The following LIMCH1 variants were observed in gnomAD, a reference collection of about 807,000 sequenced individuals.
The protein encoded by LIMCH1 is LIM and calponin homology domains-containing protein 1.
In LIMCH1, 113 loss-of-function variants were observed where a neutral mutation model predicts 176.5. That is an observed-to-expected ratio of 0.64 (90% confidence interval 0.55 to 0.75). The LOEUF is 0.75. Among genes scored for constraint, LIMCH1 ranks in the 30% least tolerant of loss-of-function variants. The pLI, the probability that LIMCH1 is intolerant of heterozygous loss-of-function variation, is 0.00. For missense variants in LIMCH1, 1,674 were observed against 1,814.9 expected, an observed-to-expected ratio of 0.92 and a Z score of 1.41; for synonymous variants, 619 against 645.9, an observed-to-expected ratio of 0.96 and a Z score of 0.63.
At chr4:41,618,234 T>C (rs1360515824) in intron 5 of LIMCH1, among the ~76,000 whole-genome samples, 3 of 152,206 alleles carry the variant, frequency 2.0e-5, no homozygotes, top group Non-Finnish European at 2.9e-5. Context: ...CCGCTACTTA[T>C]ATGGCAGTGT....
At chr4:41,450,619 AT>A (rs1305936078) in intron 1 of LIMCH1, among the ~76,000 whole-genome samples, 10 of 151,736 alleles carry the variant, frequency 6.6e-5, no homozygotes, top group African/African-American at 2.4e-4. Context: ...ATGTGGTGAA[AT>A]CCCGTCTCTA....
rs201283163 is a variant in LIMCH1, at chr4:41,650,524, C to T, written c.2952C>T (p.His984=). Residue 984 remains histidine, a synonymous_variant, in exon 18 of 32, where the codon CAC becomes CAT. Transcript: ENST00000503057. ...TGTTTGAAGGTGTGGCCAGAGTGCA[C>T]GGGTCTCCACTGGAGCTGAAACAAG... The part of the protein sequence containing the change: ...SQMFEGVARV[H]GSPLELKQDN... 20 of 1,613,958 alleles carry T rather than the reference C, an allele frequency of 1.2e-5. No individual in the cohort carries two copies. Among genetic ancestry groups the T allele is most frequent in the African/African-American group, 2.7e-5 (2 of 74,988 alleles).
intron 1 of LIMCH1, among the ~76,000 whole-genome samples, chr4:41,478,612 T>C (rs1239603445): frequency 6.6e-6 from 1 of 152,256 alleles, no homozygotes; most frequent in African/African-American, 2.4e-5. Context: ...TATCAAATAG[T>C]GAAATCGATC....
chr4:41,680,000 T>C lies in LIMCH1; in HGVS notation c.3520-6T>C. 1 of 1,601,258 alleles carries C rather than the reference T, an allele frequency of 6.2e-7. No homozygotes were observed. The highest frequency in any genetic ancestry group is 1.1e-5 in the South Asian group (1 of 88,920). On this transcript the variant is annotated splice_region_variant and splice_polypyrimidine_tract_variant and intron_variant, in intron 23 of 31. Transcript: ENST00000503057. ...TTGAGAACAATCTATGGAAATTCCATAACAGGAGAGATACCAGAAGGAGCA... is the reference window on the plus strand; with the variant it reads ...TTGAGAACAATCTATGGAAATTCCACAACAGGAGAGATACCAGAAGGAGCA...
chr4:41,622,289 G>C lies in LIMCH1; in HGVS notation c.725+1599G>C, dbSNP rs191959215. Among the ~76,000 whole-genome samples the C allele has an allele frequency of 1.2e-3, 187 of 152,084 alleles. 2 individuals carry two copies. Among genetic ancestry groups the C allele is most frequent in the African/African-American group, 4.0e-3 (164 of 41,486 alleles). ...GAAGACAAAAATAATAATAGTGAGG[G>C]GAATACTATCTCCTCACTAGGTACC... On this transcript the variant is annotated intron_variant, in intron 7 of 31. Transcript: ENST00000503057.
intron 17 of LIMCH1, among the ~76,000 whole-genome samples, chr4:41,649,986 C>T (rs759316001): frequency 3.3e-5 from 5 of 152,258 alleles, no homozygotes; most frequent in South Asian, 4.1e-4. Context: ...TGGTAAGTTC[C>T]GCCTCATTTA....
rs547962431 is a variant in LIMCH1 at position 41,459,406 on chromosome 4, T to A, written c.97-35130T>A. On this transcript the variant is annotated intron_variant, in intron 1 of 26. Transcript: ENST00000313860. ...GCCTCGACCTCCTGGGCTTAAGTAA[T>A]TCTCCCACCTCAGCCTCCCAAGTAG... Among the ~76,000 whole-genome samples the A allele has an allele frequency of 2.0e-5, 3 of 152,180 alleles. No homozygotes were observed. In the East Asian group the frequency reaches 5.8e-4, roughly 29 times the overall value.
chr4:41,535,722 G>A (rs7694894), upstream of LIMCH1, among the ~76,000 whole-genome samples: 1,706 of 152,220 alleles, frequency 0.011, 6 homozygotes, highest in South Asian at 0.018. Context: ...TCTTATTCAC[G>A]TGTGTTTTGA....
Position 41,408,787 on chromosome 4 carries a change from T to G in LIMCH1, c.96+47851T>G, listed in dbSNP as rs561986340. The stretch of plus-strand genomic sequence containing the variant: ...TAAACATCTGTGATGGTTTAAACTT[T>G]TGGGAGTTCAGTTGGATTGTATTGA... On this transcript the variant is annotated intron_variant, in intron 1 of 26. Transcript: ENST00000313860. Among the ~76,000 whole-genome samples, 4 of 152,320 alleles carry G rather than the reference T, an allele frequency of 2.6e-5. No homozygotes were observed. The East Asian group carries it at 7.7e-4, about 29-fold the overall frequency.
intron 2 of LIMCH1, among the ~76,000 whole-genome samples, chr4:41,499,513 C>T (rs1459024903): frequency 6.6e-6 from 1 of 152,184 alleles, no homozygotes; most frequent in Non-Finnish European, 1.5e-5. Context: ...ATCCTTTATA[C>T]TGATTTTTTA....
At position 41,480,655 on chromosome 4, in the gene LIMCH1, G is replaced by C. The variant is rs1409925170; in HGVS notation, c.97-13881G>C. On this transcript the variant is annotated intron_variant, in intron 1 of 26. Coordinates refer to the LIMCH1 transcript ENST00000313860. ...TATTCAAGCAGCAACATGATACCCA[G>C]GTAACAATAACACTGTGGTCAAAGC... Among the ~76,000 whole-genome samples, 6 of 152,234 alleles carry C rather than the reference G, an allele frequency of 3.9e-5. No homozygotes were observed. In the East Asian group the frequency reaches 1.2e-3, roughly 29 times the overall value.
chr4:41,661,979 A>G (rs2152981091), intron 19 of LIMCH1: 1 of 347,724 alleles, frequency 2.9e-6, no homozygotes, highest in South Asian at 2.3e-5. Context: ...TTTTAGGAAG[A>G]AGACCCTGTT....
chr4:41,685,201 A>C (rs1215949081), intron 27 of LIMCH1, among the ~76,000 whole-genome samples: 1 of 152,162 alleles, frequency 6.6e-6, no homozygotes, highest in Non-Finnish European at 1.5e-5. Flanking sequence ...TTTTGCCTTA[A>C]ATTTTTTAGC....
chr4:41,434,710 T>C (rs1346498453), intron 1 of LIMCH1, among the ~76,000 whole-genome samples: 1 of 152,046 alleles, frequency 6.6e-6, no homozygotes, highest in East Asian at 1.9e-4. Flanking sequence ...AGAGCCAGGG[T>C]TTTGCTATGT....
intron 3 of LIMCH1, among the ~76,000 whole-genome samples, chr4:41,525,470 G>A (rs766824063): frequency 1.1e-4 from 17 of 152,162 alleles, no homozygotes; most frequent in African/African-American, 3.9e-4. Context: ...AACCAATTGT[G>A]TTTGAGAATT....
chr4:41,632,980 C>A lies in LIMCH1; in HGVS notation c.1724C>A (p.Thr575Lys). The A allele has an allele frequency of 6.5e-7, 1 of 1,535,814 alleles. No homozygotes were observed. Among genetic ancestry groups the A allele is most frequent in the South Asian group, 1.2e-5 (1 of 84,048 alleles). The part of the protein sequence containing the change: ...GECPRGTEEV[T>K]SKQLPQDGKE... ...AAACTGTCCTCTCTGGCTTTAGTTA[C>A]ATCCAAACAGCTGCCACAGGATGGC... The change falls in exon 12 of 32, where the codon ACA becomes AAA. Residue 575 changes from threonine (T) to lysine (K), a missense_variant. This residue lies in a region of LIMCH1 where 1,015 missense variants were observed against 1,102.5 expected (regional missense o/e 0.92). Coordinates refer to ENST00000503057, the MANE Select transcript of LIMCH1 (RefSeq NM_001330672.2).
At chr4:41,562,963 C>T (rs1374289744) in intron 1 of LIMCH1, among the ~76,000 whole-genome samples, 1 of 152,142 alleles carries the variant, frequency 6.6e-6, no homozygotes, top group Non-Finnish European at 1.5e-5. Flanking sequence ...CCAATTATAG[C>T]TTTTTAACTA....
intron 13 of LIMCH1, among the ~76,000 whole-genome samples, chr4:41,635,339 T>C (rs1412130822): frequency 6.6e-6 from 1 of 152,102 alleles, no homozygotes; most frequent in Non-Finnish European, 1.5e-5. Flanking sequence ...GCGATTCTTA[T>C]GCCTCAGCCT....
At chr4:41,497,147 G>A (rs2072317403) in intron 2 of LIMCH1, among the ~76,000 whole-genome samples, 1 of 152,172 alleles carries the variant, frequency 6.6e-6, no homozygotes, top group Non-Finnish European at 1.5e-5. Context: ...TTGGAACAGT[G>A]TTATCCCAGT....
Sources: allele counts gnomAD v4.1 joint callset (sites outside exome capture counted in the v4.1 genomes callset), GRCh38; gene constraint gnomAD v4.1.1; regional missense constraint gnomAD v4.1.1; transcripts MANE v1.5; gene names NCBI Gene and HGNC (gene_info 2026-07-23, HGNC 2026-07-21).